HEMK2: variants seen among roughly 807,000 people sequenced by gnomAD.
HEMK2 encodes the protein methyltransferase HEMK2.
chr21:28,657,127 T>C, the HEMK2 span, among the ~76,000 whole-genome samples: 1 of 152,138 alleles, frequency 6.6e-6, no homozygotes, highest in African/African-American at 2.4e-5. Context: ...TACACAACTA[T>C]GTATGTTTTT....
At chr21:28,751,234 G>GAA in the HEMK2 span, among the ~76,000 whole-genome samples, 2 of 125,394 alleles carry the variant, frequency 1.6e-5, no homozygotes, top group Non-Finnish European at 3.4e-5. Context: ...CTGTCTCAAT[G>GAA]AAAAAAAAAA....
At chr21:28,825,444 T>C in the HEMK2 span, among the ~76,000 whole-genome samples, 1 of 152,164 alleles carries the variant, frequency 6.6e-6, no homozygotes, top group Non-Finnish European at 1.5e-5. Flanking sequence ...ACTAGGGAGC[T>C]AGCAGGCCAC....
the HEMK2 span, among the ~76,000 whole-genome samples, chr21:28,627,830 C>T: frequency 6.6e-6 from 1 of 152,114 alleles, no homozygotes; most frequent in Admixed American, 6.5e-5. Context: ...ATTGAAAGTA[C>T]CACTGATTGG....
the HEMK2 span, among the ~76,000 whole-genome samples, chr21:28,677,406 G>T: frequency 6.6e-6 from 1 of 152,178 alleles, no homozygotes; most frequent in Non-Finnish European, 1.5e-5. Context: ...TGGGAAGCTC[G>T]AACTGGGTGG....
At chr21:28,738,840 G>A in the HEMK2 span, among the ~76,000 whole-genome samples, 1 of 152,234 alleles carries the variant, frequency 6.6e-6, no homozygotes, top group Non-Finnish European at 1.5e-5. Flanking sequence ...TTCAGCACAT[G>A]CACTTCTGGG....
the HEMK2 span, among the ~76,000 whole-genome samples, chr21:28,580,833 T>G: frequency 6.6e-6 from 1 of 152,248 alleles, no homozygotes; most frequent in South Asian, 2.1e-4. Context: ...TCTGTATAGG[T>G]GTTTCCCTTC....
At chr21:28,741,656 T>C in the HEMK2 span, among the ~76,000 whole-genome samples, 1 of 152,266 alleles carries the variant, frequency 6.6e-6, no homozygotes, top group East Asian at 1.9e-4. Flanking sequence ...TGGTATTTGG[T>C]TTTCTGTTCC....
chr21:28,586,011 A>G, the HEMK2 span, among the ~76,000 whole-genome samples: 1 of 152,232 alleles, frequency 6.6e-6, no homozygotes, highest in Admixed American at 6.5e-5. Flanking sequence ...GGATGCACAT[A>G]TTATTTATAA....
At chr21:28,767,421 AT>A in the HEMK2 span, among the ~76,000 whole-genome samples, 6 of 147,384 alleles carry the variant, frequency 4.1e-5, no homozygotes, top group Non-Finnish European at 5.9e-5. Flanking sequence ...AGGGCATGAG[AT>A]TTAAAAAAAA....
the HEMK2 span, among the ~76,000 whole-genome samples, chr21:28,866,455 T>C: frequency 7.9e-6 from 1 of 125,996 alleles, no homozygotes; most frequent in Non-Finnish European, 1.7e-5. Flanking sequence ...TCTCAAAAAA[T>C]AAATAAAGAG....
the HEMK2 span, among the ~76,000 whole-genome samples, chr21:28,612,849 A>G: frequency 6.6e-6 from 1 of 152,236 alleles, no homozygotes; most frequent in Admixed American, 6.5e-5. Context: ...AAAATAAAAA[A>G]TAAAATACTT....
chr21:28,604,807 C>T, the HEMK2 span, among the ~76,000 whole-genome samples: 1 of 152,206 alleles, frequency 6.6e-6, no homozygotes, highest in East Asian at 1.9e-4. Context: ...TGGCACAGAT[C>T]TTACTAAAAT....
the HEMK2 span, among the ~76,000 whole-genome samples, chr21:28,831,737 A>AGGAAGGAAAGAG: frequency 2.1e-5 from 3 of 143,510 alleles, no homozygotes; most frequent in Non-Finnish European, 4.5e-5. Flanking sequence ...GAAGGAAGGA[A>AGGAAGGAAAGAG]AGAAAGAAAG....
At chr21:28,772,824 T>C in the HEMK2 span, among the ~76,000 whole-genome samples, 2 of 151,990 alleles carry the variant, frequency 1.3e-5, no homozygotes, top group Non-Finnish European at 2.9e-5. Context: ...AACAATCATT[T>C]TGCTCTACAT....
At chr21:28,861,914 G>T in the HEMK2 span, among the ~76,000 whole-genome samples, 1 of 152,162 alleles carries the variant, frequency 6.6e-6, no homozygotes, top group African/African-American at 2.4e-5. Flanking sequence ...ATTACGTTGT[G>T]CTGGCCTAGA....
chr21:28,726,221 A>T, the HEMK2 span, among the ~76,000 whole-genome samples: 1 of 152,138 alleles, frequency 6.6e-6, no homozygotes, highest in Non-Finnish European at 1.5e-5. Context: ...ATAGGTTCAA[A>T]TGTATATTTT....
chr21:28,617,885 C>T, the HEMK2 span, among the ~76,000 whole-genome samples: 1 of 151,982 alleles, frequency 6.6e-6, no homozygotes, highest in South Asian at 2.1e-4. Context: ...ACTTCCTAGG[C>T]TCAGGTGGCC....
At chr21:28,850,501 G>A in the HEMK2 span, among the ~76,000 whole-genome samples, 1 of 152,128 alleles carries the variant, frequency 6.6e-6, no homozygotes, top group African/African-American at 2.4e-5. Context: ...TGGGATTACA[G>A]GTGTGATCAG....
chr21:28,817,585 T>C, the HEMK2 span, among the ~76,000 whole-genome samples: 1 of 152,212 alleles, frequency 6.6e-6, no homozygotes, highest in African/African-American at 2.4e-5. Context: ...AGCTTAAGTA[T>C]TCATTTTTGA....
Sources: gnomAD v4.1 joint callset for allele counts (sites outside exome capture counted in the v4.1 genomes callset) on GRCh38, gnomAD v4.1.1 for gene constraint, MANE v1.5 for transcripts, NCBI Gene and HGNC (gene_info 2026-07-23, HGNC 2026-07-21) for gene names.